The following TRIO variants were observed in gnomAD, a reference collection of about 807,000 sequenced individuals.
TRIO encodes trio Rho guanine nucleotide exchange factor, also known as triple functional domain protein.
In TRIO, 58 loss-of-function variants were observed where a neutral mutation model predicts 351.9. That is an observed-to-expected ratio of 0.16 (90% CI 0.13 to 0.21). The LOEUF (loss-of-function observed/expected upper bound fraction) is 0.21, where lower values mean the gene tolerates loss of function less well. TRIO is among the 10% of genes least tolerant of loss of function. The pLI, the probability that TRIO is intolerant of heterozygous loss-of-function variation, is 1.00. For synonymous variants in TRIO, 1,758 were observed against 1,595.7 expected (o/e 1.10, Z -2.42); for missense variants, 3,201 against 4,027.8 (o/e 0.79, Z 5.56).
At chr5:14,211,160 T>C (rs879797740) in intron 1 of TRIO, among the ~76,000 whole-genome samples, 3 of 152,242 alleles carry the variant, frequency 2.0e-5, no homozygotes, top group Non-Finnish European at 4.4e-5. Flanking sequence ...AAGTTATAGT[T>C]AGATCAACGA....
chr5:14,495,395 G>A (rs1409389510), intron 49 of TRIO, among the ~76,000 whole-genome samples: 1 of 152,190 alleles, frequency 6.6e-6, no homozygotes, highest in Non-Finnish European at 1.5e-5. Context: ...CAACAGCAGG[G>A]TTTGAAAGGA....
chr5:14,162,255 G>A (rs1008452537), intron 1 of TRIO, among the ~76,000 whole-genome samples: 1 of 152,174 alleles, frequency 6.6e-6, no homozygotes, highest in Non-Finnish European at 1.5e-5. Context: ...TTCCTGCTCT[G>A]TGAACATACT....
intron 13 of TRIO, among the ~76,000 whole-genome samples, 186 bp downstream of exon 13, chr5:14,359,717 G>T (rs1222622275): frequency 6.6e-6 from 1 of 152,208 alleles, no homozygotes; most frequent in Non-Finnish European, 1.5e-5. Flanking sequence ...TCATCCCTGG[G>T]AGGCTGGGGT....
At chr5:14,158,442 G>A (rs1788245920) in intron 1 of TRIO, among the ~76,000 whole-genome samples, 2 of 151,988 alleles carry the variant, frequency 1.3e-5, no homozygotes, top group African/African-American at 2.4e-5. Flanking sequence ...AAAAAATCTG[G>A]GAGTAAAAAG....
At position 14,171,745 on chromosome 5, in the gene TRIO, A is replaced by G. The variant is rs1000768461; in HGVS notation, c.157+27863A>G. 5.4e-4 allele frequency among the ~76,000 whole-genome samples: 83 copies of G among 152,322 alleles called. 1 individual carries two copies. The highest frequency in any genetic ancestry group is 1.9e-3 in the African/African-American group (81 of 41,554). On this transcript the variant is annotated intron_variant, in intron 1 of 56. Transcript: ENST00000344204. ...TCTTAAGCTTCTTCCTGGTTATAAA[A>G]TTAAAAAGCAAGAAAGAGACGGCAG...
chr5:14,363,581 G>A (rs1233607604), intron 13 of TRIO, 151 bp from the exon 14 acceptor site: 8 of 574,546 alleles, frequency 1.4e-5, no homozygotes, highest in Middle Eastern at 3.9e-4. Context: ...TTATTGAGGT[G>A]TGATTTGTAT....
chr5:14,203,726 C>G (rs1445144196), intron 1 of TRIO, among the ~76,000 whole-genome samples: 6 of 152,102 alleles, frequency 3.9e-5, no homozygotes, highest in Non-Finnish European at 8.8e-5. Flanking sequence ...GTACTCTGTA[C>G]AAGGGGGCCT....
chr5:14,251,826 A>G (rs540206645), intron 1 of TRIO, among the ~76,000 whole-genome samples: 14 of 152,292 alleles, frequency 9.2e-5, no homozygotes, highest in African/African-American at 3.1e-4. Flanking sequence ...GGGATCAGGA[A>G]CAGATTATTT....
rs1579463642 is a variant in TRIO at position 14,374,209 on chromosome 5, T to C, written c.3217-20T>C. ...TGTAGAAGTCAAATTAGCAACACATTGCTCTCCATTGTTTTTTAGGCTTGC... is the reference window on the plus strand; with the variant it reads ...TGTAGAAGTCAAATTAGCAACACATCGCTCTCCATTGTTTTTTAGGCTTGC... On this transcript the variant is annotated intron_variant, in intron 18 of 56. Transcript: ENST00000344204. 1 of 1,603,716 alleles carries C rather than the reference T, an allele frequency of 6.2e-7. No individual in the cohort carries two copies.
chr5:14,505,219 G>A (rs1012581656), intron 55 of TRIO, among the ~76,000 whole-genome samples: 3 of 152,232 alleles, frequency 2.0e-5, no homozygotes, highest in South Asian at 4.1e-4. Flanking sequence ...CTCATCTAGG[G>A]GTGGGTTCTC....
Position 14,488,135 on chromosome 5 carries a change from C to T in TRIO, c.7507C>T (p.Pro2503Ser), listed in dbSNP as rs1322173897. Reference sequence around the variant, plus strand: ...CAGCCGACCCGGCTCCTTCACCTTCCCGGGGGACAGCGACTCCCTCCAGCG... The same window carrying T: ...CAGCCGACCCGGCTCCTTCACCTTCTCGGGGGACAGCGACTCCCTCCAGCG... Reference protein sequence around the residue: ...PASRPGSFTFPGDSDSLQRQT... With the variant: ...PASRPGSFTFSGDSDSLQRQT... Residue 2503 changes from proline (P) to serine (S), a missense_variant, in exon 48 of 57, where the codon CCG (proline) becomes TCG (serine). Pro to Ser is a moderately conservative substitution (Grantham distance 74, BLOSUM62 -1). Coordinates refer to ENST00000344204, the MANE Select transcript of TRIO (RefSeq NM_007118.4). 1.2e-6 allele frequency: 2 copies of T among 1,608,570 alleles called. No homozygotes were observed. The highest frequency in any genetic ancestry group is 8.5e-7 in the Non-Finnish European group (1 of 1,179,518).
intron 1 of TRIO, among the ~76,000 whole-genome samples, chr5:14,203,999 T>C (rs1187144245): frequency 6.6e-6 from 1 of 152,210 alleles, no homozygotes; most frequent in Non-Finnish European, 1.5e-5. Context: ...GCAACAAATG[T>C]AGGAAGAATT....
At chr5:14,398,103 T>A (rs1349068705) in intron 29 of TRIO, among the ~76,000 whole-genome samples, 1 of 152,166 alleles carries the variant, frequency 6.6e-6, no homozygotes, top group Non-Finnish European at 1.5e-5. Context: ...TAACTGTTCC[T>A]GGGGCTGGGG....
In TRIO at chr5:14,483,485, A is replaced by G. The variant is rs78865600; in HGVS notation, c.6657+712A>G. On this transcript the variant is annotated intron_variant, in intron 46 of 56. Transcript: ENST00000344204. ...GGCCTCCTGCCCTACGCCATCAGGG[A>G]CAGGGAACTCTCAGACCGTGCACAC... is the stretch of plus-strand genomic sequence containing the variant. Among the ~76,000 whole-genome samples, 24 of 152,282 alleles carry G rather than the reference A, an allele frequency of 1.6e-4. No individual in the cohort carries two copies. The East Asian group carries it at 4.3e-3, about 27-fold the overall frequency.
intron 6 of TRIO, among the ~76,000 whole-genome samples, chr5:14,293,712 G>A (rs1313615222): frequency 6.6e-6 from 1 of 152,120 alleles, no homozygotes; most frequent in East Asian, 1.9e-4. Context: ...AGGCCAGATA[G>A]GGGGTGACTG....
At chr5:14,430,406 ATT>A (rs1321545280) in intron 34 of TRIO, among the ~76,000 whole-genome samples, 2 of 152,136 alleles carry the variant, frequency 1.3e-5, no homozygotes, top group Admixed American at 6.5e-5. Flanking sequence ...TTGCGCTTTT[ATT>A]TTAGGGATTC....
chr5:14,463,043 G>A, intron 36 of TRIO, 118 bp downstream of exon 36: 1 of 1,288,592 alleles, frequency 7.8e-7, no homozygotes, highest in Non-Finnish European at 1.0e-6. Context: ...TGTGGAAAAG[G>A]GCAATGCAGT....
chr5:14,341,899 A>G (rs1741969266), intron 11 of TRIO, among the ~76,000 whole-genome samples: 2 of 152,214 alleles, frequency 1.3e-5, no homozygotes, highest in African/African-American at 2.4e-5. Context: ...TAGTTCTGCA[A>G]ACTTACACAC....
At chr5:14,282,372 G>A (rs547936933) in intron 3 of TRIO, among the ~76,000 whole-genome samples, 10 of 152,104 alleles carry the variant, frequency 6.6e-5, no homozygotes, top group Non-Finnish European at 1.2e-4. Flanking sequence ...AATGATACTT[G>A]TCATATAGTT....
Sources: gnomAD v4.1 joint callset for allele counts (sites outside exome capture counted in the v4.1 genomes callset) on GRCh38, gnomAD v4.1.1 for gene constraint, MANE v1.5 for transcripts, NCBI Gene and HGNC (gene_info 2026-07-23, HGNC 2026-07-21) for gene names.